The following PNPLA8 variants were observed in gnomAD, a reference collection of about 807,000 sequenced individuals.
PNPLA8 encodes calcium-independent phospholipase A2-gamma.
A neutral mutation model predicts 76.9 loss-of-function variants in PNPLA8; 39 were observed. The observed-to-expected ratio is 0.51, with a 90% CI of 0.39 to 0.66. PNPLA8 has a LOEUF of 0.66. Among genes scored for constraint, PNPLA8 ranks in the 30% least tolerant of loss-of-function variants. PNPLA8 has a pLI of 0.00. For missense variants in PNPLA8, 887 were observed against 918.0 expected, an observed-to-expected ratio of 0.97 and a Z score of 0.44; for synonymous variants, 301 against 307.9, an observed-to-expected ratio of 0.98 and a Z score of 0.24.
intron 7 of PNPLA8, among the ~76,000 whole-genome samples, chr7:108,492,995 T>C (rs1427238232): frequency 6.6e-6 from 1 of 152,206 alleles, no homozygotes; most frequent in Admixed American, 6.5e-5. Flanking sequence ...TGGGTGAGAA[T>C]GACCAGGTGG....
At chr7:108,473,602 T>G (rs1282629013) in intron 10 of PNPLA8, among the ~76,000 whole-genome samples, 1 of 152,214 alleles carries the variant, frequency 6.6e-6, no homozygotes, top group Non-Finnish European at 1.5e-5. Context: ...ATAGAGGTAG[T>G]GGTATCTTGT....
At chr7:108,514,076 C>T (rs1863120896) in intron 4 of PNPLA8, 68 bp downstream of exon 4, 4 of 1,088,758 alleles carry the variant, frequency 3.7e-6, no homozygotes, top group Admixed American at 4.6e-5. Flanking sequence ...GCTTTGCCTT[C>T]TCCATTTTAG....
chr7:108,505,106 T>C (rs1862248403), intron 4 of PNPLA8, among the ~76,000 whole-genome samples: 1 of 151,156 alleles, frequency 6.6e-6, no homozygotes, highest in African/African-American at 2.4e-5. Flanking sequence ...ATACTGTGTC[T>C]AGAAACAGAT....
At chr7:108,518,626 C>T (rs766467203) in intron 2 of PNPLA8, among the ~76,000 whole-genome samples, 1 of 150,998 alleles carries the variant, frequency 6.6e-6, no homozygotes, top group Non-Finnish European at 1.5e-5. Context: ...ACGTCTGTAC[C>T]TTCCTCTCAA....
At chr7:108,502,326 C>A (rs566966250) in intron 5 of PNPLA8, among the ~76,000 whole-genome samples, 165 bp downstream of exon 5, 1 of 151,116 alleles carries the variant, frequency 6.6e-6, no homozygotes, top group African/African-American at 2.4e-5. Flanking sequence ...GCCTGTAAAT[C>A]CAGCTACTTG....
intron 4 of PNPLA8, among the ~76,000 whole-genome samples, chr7:108,505,803 C>T (rs1052794393): frequency 8.5e-5 from 13 of 152,140 alleles, no homozygotes; most frequent in Middle Eastern, 3.4e-3. Context: ...AGGTCAGCCA[C>T]GGAATAGGAG....
chr7:108,497,960 T>A (rs1861663149), intron 5 of PNPLA8, among the ~76,000 whole-genome samples: 1 of 143,462 alleles, frequency 7.0e-6, no homozygotes. Flanking sequence ...GGCCAGGAGT[T>A]CAAGACCAGC....
chr7:108,503,937 T>C (rs1393217246), intron 4 of PNPLA8, among the ~76,000 whole-genome samples: 14 of 152,102 alleles, frequency 9.2e-5, no homozygotes, highest in Admixed American at 1.3e-4. Flanking sequence ...AATTCTAAAA[T>C]CATGAGGTGT....
chr7:108,501,435 A>T (rs967578688), intron 5 of PNPLA8, among the ~76,000 whole-genome samples: 1 of 152,252 alleles, frequency 6.6e-6, no homozygotes, highest in Non-Finnish European at 1.5e-5. Flanking sequence ...TCTCCAAGTG[A>T]AGACATCAGA....
intron 2 of PNPLA8, among the ~76,000 whole-genome samples, chr7:108,519,949 C>T (rs1189199421): frequency 3.3e-5 from 5 of 152,168 alleles, no homozygotes; most frequent in African/African-American, 1.2e-4. Flanking sequence ...AATACAAGTT[C>T]GTCTCTGTCC....
chr7:108,517,953 G>T (rs40880), intron 2 of PNPLA8, among the ~76,000 whole-genome samples: 42,367 of 152,006 alleles, frequency 0.28, 6,235 homozygotes, highest in African/African-American at 0.32. Flanking sequence ...ATAAACAGTA[G>T]AAATTTATTT....
At chr7:108,512,812 A>AT (rs1242434160) in intron 4 of PNPLA8, among the ~76,000 whole-genome samples, 6 of 152,056 alleles carry the variant, frequency 3.9e-5, no homozygotes, top group Non-Finnish European at 8.8e-5. Context: ...CCTATATTAC[A>AT]TTTTTTCATA....
rs755794207 is a variant in PNPLA8, at chr7:108,514,601, A to G, written c.891T>C (p.Gly297=). The G allele has an allele frequency of 6.2e-7, 1 of 1,613,912 alleles. No individual in the cohort carries two copies. The highest frequency in any genetic ancestry group is 8.5e-7 in the Non-Finnish European group (1 of 1,179,956). The change falls in exon 3 of 11, where the codon GGT becomes GGC. Residue 297 remains glycine (G), a synonymous_variant. Coordinates refer to ENST00000257694, the MANE Select transcript of PNPLA8 (RefSeq NM_001256007.3). Reference sequence around the variant, plus strand: ...TATAACCACCTACTAAAGCTTGTACACCTTCCGTGGGACGAGAAAGAAAGT... The same window carrying G: ...TATAACCACCTACTAAAGCTTGTACGCCTTCCGTGGGACGAGAAAGAAAGT... The part of the protein sequence containing the change: ...IANFLSRPTE[G]VQALVGGYIG...
At chr7:108,516,916 C>CAA (rs36120616) in intron 2 of PNPLA8, among the ~76,000 whole-genome samples, 23 of 147,928 alleles carry the variant, frequency 1.6e-4, no homozygotes, top group East Asian at 9.9e-4. Flanking sequence ...ACAAAACAAA[C>CAA]AAAAAAAAAA....
intron 4 of PNPLA8, among the ~76,000 whole-genome samples, chr7:108,511,869 T>C (rs1263439694): frequency 6.6e-6 from 1 of 152,228 alleles, no homozygotes; most frequent in African/African-American, 2.4e-5. Context: ...TATATGTGCA[T>C]AGAATGATTT....
chr7:108,501,782 C>T (rs1861966614), intron 5 of PNPLA8, among the ~76,000 whole-genome samples: 1 of 152,034 alleles, frequency 6.6e-6, no homozygotes, highest in Non-Finnish European at 1.5e-5. Flanking sequence ...TGAGATCGCA[C>T]CACTGCACTC....
In PNPLA8 at chr7:108,471,305, C is replaced by T. The variant is rs1168999830; in HGVS notation, c.*1096G>A. Reference sequence around the variant, plus strand: ...ATTTGGCTCACTGCAACCTCCGTCTCTCAGGTTCAAGCCATTCTCCTGCCT... The same window carrying T: ...ATTTGGCTCACTGCAACCTCCGTCTTTCAGGTTCAAGCCATTCTCCTGCCT... On this transcript the variant is annotated 3_prime_UTR_variant, in exon 11 of 11. Coordinates refer to ENST00000257694, the MANE Select transcript of PNPLA8 (RefSeq NM_001256007.3). 1 of 149,710 alleles carries T rather than the reference C, an allele frequency of 6.7e-6. No individual in the cohort carries two copies. Among genetic ancestry groups the T allele is most frequent in the Non-Finnish European group, 1.5e-5 (1 of 67,848 alleles). The allele number at this position is 149,710 out of a possible 1,614,324, so 9.3% of individuals were successfully genotyped here. A position where few individuals can be genotyped will look rare whatever the true frequency, so the allele number is the denominator to read the frequency against.
At chr7:108,507,862 G>A (rs937794877) in intron 4 of PNPLA8, among the ~76,000 whole-genome samples, 1 of 149,976 alleles carries the variant, frequency 6.7e-6, no homozygotes, top group Non-Finnish European at 1.5e-5. Context: ...ATGCAAGGCT[G>A]GTTCAATATA....
chr7:108,481,739 G>T (rs1431872919), intron 9 of PNPLA8, among the ~76,000 whole-genome samples: 3 of 152,098 alleles, frequency 2.0e-5, no homozygotes, highest in East Asian at 1.9e-4. Context: ...CAGTATAATT[G>T]TAAGAAGTCT....
Sources: allele counts gnomAD v4.1 joint callset (sites outside exome capture counted in the v4.1 genomes callset), GRCh38; gene constraint gnomAD v4.1.1; transcripts MANE v1.5; gene names NCBI Gene and HGNC (gene_info 2026-07-23, HGNC 2026-07-21).